The following EFL1 variants were observed in gnomAD, a reference collection of about 807,000 sequenced individuals.
EFL1 encodes the protein elongation factor like GTPase 1, also known as elongation factor-like GTPase 1.
Under a neutral mutation model 126.7 loss-of-function variants are expected in EFL1, and 76 were observed. The ratio of observed to expected loss-of-function variants is 0.60; its 90% CI spans 0.50 to 0.73. EFL1 has a LOEUF of 0.73. EFL1 is among the 30% of genes least tolerant of loss of function. EFL1 has a pLI of 0.00. For missense variants in EFL1, 1,128 were observed against 1,343.2 expected (o/e 0.84, Z 2.50); for synonymous variants, 410 against 448.4 (o/e 0.91, Z 1.08).
At chr15:82,255,613 G>T (rs1360698210) in intron 3 of EFL1, among the ~76,000 whole-genome samples, 1 of 152,126 alleles carries the variant, frequency 6.6e-6, no homozygotes, top group Non-Finnish European at 1.5e-5. Flanking sequence ...AAAAGCTTTA[G>T]TTTTTAAATA....
chr15:82,142,942 C>T (rs1368106748), intron 18 of EFL1, among the ~76,000 whole-genome samples: 1 of 152,194 alleles, frequency 6.6e-6, no homozygotes, highest in African/African-American at 2.4e-5. Context: ...GTCTCTTTAC[C>T]ATTTGGGTGA....
chr15:82,256,697 T>C (rs2075069549), intron 3 of EFL1, among the ~76,000 whole-genome samples: 1 of 152,216 alleles, frequency 6.6e-6, no homozygotes, highest in Non-Finnish European at 1.5e-5. Context: ...TTTATCACAA[T>C]AGATGTTGAA....
chr15:82,200,890 A>ATT (rs11370933), intron 15 of EFL1, among the ~76,000 whole-genome samples: 2 of 150,712 alleles, frequency 1.3e-5, no homozygotes, highest in Non-Finnish European at 3.0e-5. Context: ...GTACTTGAGA[A>ATT]TTTTTTTTTT....
chr15:82,190,826 A>C (rs1284520052), intron 15 of EFL1, among the ~76,000 whole-genome samples: 1 of 152,152 alleles, frequency 6.6e-6, no homozygotes, highest in East Asian at 1.9e-4. Flanking sequence ...ATCTGGATTT[A>C]TTATATGTGT....
At chr15:82,258,625 T>G (rs1304705274) in intron 3 of EFL1, among the ~76,000 whole-genome samples, 1 of 152,224 alleles carries the variant, frequency 6.6e-6, no homozygotes, top group Non-Finnish European at 1.5e-5. Flanking sequence ...CTTTGATACT[T>G]AGGTTAACTT....
chr15:82,223,972 C>G (rs2074737137), intron 12 of EFL1, among the ~76,000 whole-genome samples: 1 of 152,090 alleles, frequency 6.6e-6, no homozygotes, highest in South Asian at 2.1e-4. Flanking sequence ...TAGGGAAGTA[C>G]TAAAAAACAA....
intron 15 of EFL1, among the ~76,000 whole-genome samples, chr15:82,177,021 A>G (rs1055504090): frequency 2.0e-5 from 3 of 152,338 alleles, no homozygotes; most frequent in Middle Eastern, 3.4e-3. Flanking sequence ...AGCACATTCT[A>G]TATATAAAGC....
In EFL1 at chr15:82,226,958, A is replaced by AAGG. The variant is rs199752662; in HGVS notation, c.1192+489_1192+491dup. On this transcript the variant is annotated intron_variant, in intron 11 of 19. Coordinates refer to ENST00000268206, the MANE Select transcript of EFL1 (RefSeq NM_024580.6). ...AAAAGTCAAGGGACGAAAGTGTTTCAAGGAGGAGTGATCAATTGCGTCAAA... is the reference window on the plus strand; with the variant it reads ...AAAAGTCAAGGGACGAAAGTGTTTCAAGGAGGAGGAGTGATCAATTGCGTCAAA... Among the ~76,000 whole-genome samples the AAGG allele has an allele frequency of 6.8e-3, 1,043 of 152,320 alleles. 11 individuals carry two copies. Among genetic ancestry groups the AAGG allele is most frequent in the African/African-American group, 0.024 (995 of 41,562 alleles).
intron 15 of EFL1, among the ~76,000 whole-genome samples, chr15:82,184,647 A>G (rs2074285175): frequency 6.6e-6 from 1 of 152,202 alleles, no homozygotes; most frequent in Non-Finnish European, 1.5e-5. Flanking sequence ...GTTAGCATAG[A>G]TATTTGCCCT....
At position 82,151,737 on chromosome 15, in the gene EFL1, C is replaced by G; in HGVS notation, c.2717G>C (p.Gly906Ala). The change falls in exon 18 of 20, where the codon GGA (glycine) becomes GCA (alanine). Residue 906 changes from glycine (G) to alanine (A), a missense_variant. Transcript: ENST00000268206. ...TCCCTCTTTTGCCAGATCACTTGCTCCTTGTTCCTCAAATTTACTTAGGTC... is the reference window on the plus strand; with the variant it reads ...TCCCTCTTTTGCCAGATCACTTGCTGCTTGTTCCTCAAATTTACTTAGGTC... ...KWDLSKFEEQ[G>A]ASDLAKEGQE... The G allele has an allele frequency of 6.2e-6, 10 of 1,614,168 alleles. No individual in the cohort carries two copies. Among genetic ancestry groups the G allele is most frequent in the Non-Finnish European group, 8.5e-6 (10 of 1,180,042 alleles).
chr15:82,226,388 A>G (rs1435208129), intron 11 of EFL1, among the ~76,000 whole-genome samples: 3 of 152,040 alleles, frequency 2.0e-5, no homozygotes, highest in Non-Finnish European at 4.4e-5. Flanking sequence ...AGGAAGTGAA[A>G]ACATTGGGAA....
At chr15:82,144,145 TG>T (rs1468010247) in intron 18 of EFL1, among the ~76,000 whole-genome samples, 2 of 151,774 alleles carry the variant, frequency 1.3e-5, no homozygotes. Flanking sequence ...CTGTGCTTCC[TG>T]GAGGCTGAGG....
At chr15:82,175,152 CATT>C (rs2074180772) in intron 15 of EFL1, among the ~76,000 whole-genome samples, 1 of 152,154 alleles carries the variant, frequency 6.6e-6, no homozygotes, top group Non-Finnish European at 1.5e-5. Flanking sequence ...AGTGCAGTCA[CATT>C]ATTACTGAGT....
intron 11 of EFL1, among the ~76,000 whole-genome samples, chr15:82,226,915 T>A (rs1805889450): frequency 1.3e-5 from 2 of 152,144 alleles, no homozygotes; most frequent in Admixed American, 6.5e-5. Context: ...AGCAAGGGAA[T>A]GAAAGCAATG....
At chr15:82,142,025 A>G (rs17269323) in intron 18 of EFL1, among the ~76,000 whole-genome samples, 3,938 of 152,338 alleles carry the variant, frequency 0.026, 89 homozygotes, top group Admixed American at 0.045. Context: ...GGTTCTCATG[A>G]TAGGTGTGTT....
chr15:82,156,947 A>G (rs942362773), intron 17 of EFL1, among the ~76,000 whole-genome samples: 2 of 152,216 alleles, frequency 1.3e-5, no homozygotes, highest in Admixed American at 6.5e-5. Flanking sequence ...GGCAAGTTCA[A>G]ATATTTATTG....
intron 2 of EFL1, among the ~76,000 whole-genome samples, chr15:82,260,575 C>G (rs2075104000): frequency 6.6e-6 from 1 of 152,218 alleles, no homozygotes; most frequent in African/African-American, 2.4e-5. Context: ...CATTAATGAT[C>G]GTTTTCATGG....
chr15:82,138,426 GTGTA>G (rs1007753432), intron 19 of EFL1, among the ~76,000 whole-genome samples: 87 of 30,760 alleles, frequency 2.8e-3, no homozygotes, highest in African/African-American at 0.011. Context: ...GAGAGAGAGA[GTGTA>G]TGTGTGTGTG....
At chr15:82,219,612 T>A in intron 14 of EFL1, 40 bp downstream of exon 14, 1 of 1,570,500 alleles carries the variant, frequency 6.4e-7, no homozygotes, top group South Asian at 1.2e-5. Flanking sequence ...TATCAGACCC[T>A]CGAGAAACAA....
Sources: allele counts gnomAD v4.1 joint callset (sites outside exome capture counted in the v4.1 genomes callset), GRCh38; gene constraint gnomAD v4.1.1; transcripts MANE v1.5; gene names NCBI Gene and HGNC (gene_info 2026-07-23, HGNC 2026-07-21).